KIF18A: variants seen among roughly 807,000 people sequenced by gnomAD.
KIF18A encodes the protein kinesin family member 18A.
KIF18A carries 67 observed loss-of-function variants against 103.3 expected under a neutral mutation model. That is an observed-to-expected ratio of 0.65 (90% confidence interval 0.53 to 0.79). The LOEUF is 0.79. KIF18A is among the 30% of genes least tolerant of loss of function. The probability of loss-of-function intolerance (pLI) is 0.00; values close to 1 mark genes in which losing one functional copy is unlikely to be tolerated. For missense variants in KIF18A, 1,032 were observed against 1,062.5 expected, an observed-to-expected ratio of 0.97 and a Z score of 0.40; for synonymous variants, 367 against 355.5, an observed-to-expected ratio of 1.03 and a Z score of -0.36.
At chr11:28,093,399 A>G (rs553482016) in intron 3 of KIF18A, among the ~76,000 whole-genome samples, 1 of 152,156 alleles carries the variant, frequency 6.6e-6, no homozygotes, top group East Asian at 1.9e-4. Flanking sequence ...AAACTACAAG[A>G]TGTTAATAAG....
chr11:28,062,545 A>G, intron 11 of KIF18A, 29 bp from the exon 12 acceptor site: 1 of 1,580,280 alleles, frequency 6.3e-7, no homozygotes. Flanking sequence ...AATGTACTTC[A>G]GATCACTCTA....
At chr11:28,107,274 A>G (rs569477563) in intron 1 of KIF18A, among the ~76,000 whole-genome samples, 5 of 152,204 alleles carry the variant, frequency 3.3e-5, no homozygotes, top group Admixed American at 3.3e-4. Flanking sequence ...TAAACTATAT[A>G]TTATACCACA....
chr11:28,092,659 T>C (rs577654937), intron 3 of KIF18A, among the ~76,000 whole-genome samples: 2 of 152,294 alleles, frequency 1.3e-5, no homozygotes, highest in African/African-American at 4.8e-5. Flanking sequence ...CTGACAAGAT[T>C]TAAGAAAAAA....
intron 16 of KIF18A, among the ~76,000 whole-genome samples, chr11:28,021,672 T>A (rs1850247354): frequency 6.6e-6 from 1 of 152,212 alleles, no homozygotes; most frequent in Non-Finnish European, 1.5e-5. Context: ...GATTTAAACT[T>A]CCATATTTTT....
intron 10 of KIF18A, among the ~76,000 whole-genome samples, chr11:28,069,921 T>G (rs1850990278): frequency 6.6e-6 from 1 of 152,196 alleles, no homozygotes; most frequent in Non-Finnish European, 1.5e-5. Context: ...TCAGAGTGCT[T>G]ATCAGTATCT....
At chr11:28,044,598 C>T (rs1235941388) in intron 13 of KIF18A, among the ~76,000 whole-genome samples, 1 of 152,146 alleles carries the variant, frequency 6.6e-6, no homozygotes, top group East Asian at 1.9e-4. Flanking sequence ...GAGATTCCCG[C>T]TTCAAAAAGT....
intron 11 of KIF18A, among the ~76,000 whole-genome samples, chr11:28,063,941 C>G (rs777263712): frequency 6.6e-6 from 1 of 151,310 alleles, no homozygotes; most frequent in African/African-American, 2.4e-5. Context: ...TGCAGTTGAC[C>G]AATAATTTTC....
At chr11:28,054,143 G>C (rs909533857) in intron 13 of KIF18A, among the ~76,000 whole-genome samples, 4 of 151,672 alleles carry the variant, frequency 2.6e-5, no homozygotes, top group Admixed American at 6.6e-5. Flanking sequence ...GGCAATAATA[G>C]TGAAAATTTA....
At chr11:28,035,355 A>ACAGAACCAAAC in intron 15 of KIF18A, 32 bp downstream of exon 15, 1 of 1,247,922 alleles carries the variant, frequency 8.0e-7, no homozygotes, top group South Asian at 1.4e-5. Flanking sequence ...TTATATAACT[A>ACAGAACCAAAC]CAGAACCAAA....
At chr11:28,039,031 C>T (rs1365769361) in intron 13 of KIF18A, among the ~76,000 whole-genome samples, 1 of 151,530 alleles carries the variant, frequency 6.6e-6, no homozygotes, top group African/African-American at 2.4e-5. Context: ...AATTGGGAGT[C>T]AGGAGACTTG....
At chr11:28,062,131 A>G (rs1410726482) in intron 12 of KIF18A, among the ~76,000 whole-genome samples, 1 of 152,160 alleles carries the variant, frequency 6.6e-6, no homozygotes, top group Non-Finnish European at 1.5e-5. Context: ...CAATGTGTGT[A>G]GGTACTTATG....
At chr11:28,046,147 G>T (rs1434053051) in intron 13 of KIF18A, among the ~76,000 whole-genome samples, 1 of 151,822 alleles carries the variant, frequency 6.6e-6, no homozygotes, top group African/African-American at 2.4e-5. Context: ...GATTCCTCAG[G>T]GATCTAGAAC....
intron 5 of KIF18A, among the ~76,000 whole-genome samples, chr11:28,089,705 C>A (rs1433610172): frequency 6.6e-6 from 1 of 152,176 alleles, no homozygotes; most frequent in Non-Finnish European, 1.5e-5. Flanking sequence ...GTAAAGTCTA[C>A]TTGTCATTTT....
intron 7 of KIF18A, among the ~76,000 whole-genome samples, chr11:28,083,644 G>T (rs1417717868): frequency 6.6e-6 from 1 of 152,034 alleles, no homozygotes; most frequent in Admixed American, 6.6e-5. Context: ...TAGTAGAGAG[G>T]ATATTAAACA....
chr11:28,068,181 A>G (rs1456004577), intron 11 of KIF18A, among the ~76,000 whole-genome samples: 2 of 152,150 alleles, frequency 1.3e-5, no homozygotes, highest in African/African-American at 4.8e-5. Context: ...ACAGAAAACT[A>G]AACACTGCAC....
At chr11:28,065,677 C>G (rs1313202327) in intron 11 of KIF18A, among the ~76,000 whole-genome samples, 4 of 151,866 alleles carry the variant, frequency 2.6e-5, no homozygotes, top group Admixed American at 2.0e-4. Context: ...AAATTGGAAG[C>G]TTACGGTAAT....
At chr11:28,066,885 G>C (rs1045034389) in intron 11 of KIF18A, among the ~76,000 whole-genome samples, 2 of 150,482 alleles carry the variant, frequency 1.3e-5, no homozygotes, top group Non-Finnish European at 3.0e-5. Context: ...TGTACAACTT[G>C]CTTGGATATT....
intron 1 of KIF18A, among the ~76,000 whole-genome samples, chr11:28,103,983 T>C (rs1167424166): frequency 1.3e-5 from 2 of 152,202 alleles, no homozygotes; most frequent in African/African-American, 4.8e-5. Context: ...GATTCATTTA[T>C]GTAGAACAGC....
chr11:28,058,643 C>A (rs1361851987), intron 13 of KIF18A, among the ~76,000 whole-genome samples: 1 of 114,498 alleles, frequency 8.7e-6, no homozygotes, highest in Non-Finnish European at 1.6e-5. Flanking sequence ...GGCTGGGCAA[C>A]AGGGTGAGAC....
Sources: allele counts gnomAD v4.1 joint callset (sites outside exome capture counted in the v4.1 genomes callset), GRCh38; gene constraint gnomAD v4.1.1; transcripts MANE v1.5; gene names NCBI Gene and HGNC (gene_info 2026-07-23, HGNC 2026-07-21).